The following ACVR1C variants were observed in gnomAD, a reference collection of about 807,000 sequenced individuals.
ACVR1C encodes the protein activin A receptor type 1C.
ACVR1C carries 23 observed loss-of-function variants against 57.9 expected under a neutral mutation model. The ratio of observed to expected loss-of-function variants is 0.40; its 90% CI spans 0.29 to 0.56. The LOEUF (loss-of-function observed/expected upper bound fraction) is 0.56, where lower values mean the gene tolerates loss of function less well. Among genes scored for constraint, ACVR1C ranks in the 20% least tolerant of loss-of-function variants. The pLI, the probability that ACVR1C is intolerant of heterozygous loss-of-function variation, is 0.50. For missense variants in ACVR1C, 480 were observed against 607.9 expected, an observed-to-expected ratio of 0.79 and a Z score of 2.21; for synonymous variants, 214 against 215.3, an observed-to-expected ratio of 0.99 and a Z score of 0.05.
intron 1 of ACVR1C, 65 bp downstream of exon 1, chr2:157,628,507 C>G: frequency 6.5e-7 from 1 of 1,544,398 alleles, no homozygotes; most frequent in Non-Finnish European, 8.8e-7. Context: ...CACCCCCGTG[C>G]TCACCCGCAG....
At chr2:157,549,802 G>A (rs1166624468) in intron 4 of ACVR1C, among the ~76,000 whole-genome samples, 2 of 146,388 alleles carry the variant, frequency 1.4e-5, no homozygotes, top group East Asian at 2.0e-4. Flanking sequence ...TGGCTAACAC[G>A]GTGAAACCCC....
At chr2:157,576,830 A>ATTTT (rs1688665585) in intron 2 of ACVR1C, among the ~76,000 whole-genome samples, 3 of 68,302 alleles carry the variant, frequency 4.4e-5, no homozygotes, top group African/African-American at 2.2e-4. Context: ...GGGCTTTGAA[A>ATTTT]TTTTCTTTTT....
chr2:157,604,336 C>T (rs1469680853), intron 1 of ACVR1C, among the ~76,000 whole-genome samples: 2 of 151,964 alleles, frequency 1.3e-5, no homozygotes. Context: ...ATACTTTTGC[C>T]TTCTTCAGAA....
intron 1 of ACVR1C, among the ~76,000 whole-genome samples, chr2:157,628,209 A>G (rs1559002028): frequency 6.6e-6 from 1 of 152,144 alleles, no homozygotes; most frequent in Non-Finnish European, 1.5e-5. Context: ...AGGTCCCTGC[A>G]GGGTGAACCC....
intron 2 of ACVR1C, among the ~76,000 whole-genome samples, chr2:157,562,305 A>ATGT (rs56764410): frequency 1.5e-5 from 2 of 134,780 alleles, no homozygotes; most frequent in African/African-American, 5.5e-5. Context: ...AAAAAAAAAA[A>ATGT]ATATATATAT....
intron 4 of ACVR1C, among the ~76,000 whole-genome samples, chr2:157,546,238 A>G (rs1474081519): frequency 2.6e-5 from 4 of 152,264 alleles, no homozygotes; most frequent in African/African-American, 9.6e-5. Context: ...CATTCTTAAC[A>G]GCTAAATGAG....
chr2:157,554,233 A>G (rs193274506), intron 3 of ACVR1C, among the ~76,000 whole-genome samples: 153 of 131,282 alleles, frequency 1.2e-3, no homozygotes, highest in African/African-American at 5.0e-3. Context: ...GAAAGAAAGA[A>G]AGAAAGAAAG....
intron 2 of ACVR1C, among the ~76,000 whole-genome samples, chr2:157,562,717 C>T (rs1370882618): frequency 6.6e-6 from 1 of 151,972 alleles, no homozygotes; most frequent in Non-Finnish European, 1.5e-5. Context: ...ATGCAAAAAT[C>T]CTCAATAAAA....
At chr2:157,556,394 T>G (rs1392979355) in intron 2 of ACVR1C, 62 bp from the exon 3 acceptor site, 2 of 1,591,282 alleles carry the variant, frequency 1.3e-6, no homozygotes, top group African/African-American at 2.7e-5. Context: ...TTTTTGGAAT[T>G]GGAATTGCAA....
At chr2:157,535,912 A>G (rs941937450) in intron 8 of ACVR1C, among the ~76,000 whole-genome samples, 3 of 152,162 alleles carry the variant, frequency 2.0e-5, no homozygotes, top group African/African-American at 7.2e-5. Context: ...ATTATCCTCT[A>G]AGTTCCATGA....
intron 7 of ACVR1C, among the ~76,000 whole-genome samples, chr2:157,540,203 T>C (rs1044456605): frequency 4.6e-5 from 7 of 152,224 alleles, no homozygotes; most frequent in Non-Finnish European, 1.0e-4. Context: ...ATTCAAGGAA[T>C]TGCTAAACCA....
chr2:157,620,445 C>G (rs891591185), intron 1 of ACVR1C, among the ~76,000 whole-genome samples: 8 of 151,936 alleles, frequency 5.3e-5, no homozygotes, highest in Non-Finnish European at 8.8e-5. Flanking sequence ...AAAATGCCAT[C>G]GGATAAAGTT....
At chr2:157,550,468 AT>A in intron 3 of ACVR1C, 76 bp from the exon 4 acceptor site, 1 of 1,377,868 alleles carries the variant, frequency 7.3e-7, no homozygotes, top group Non-Finnish European at 1.0e-6. Context: ...CTGTTTTCAG[AT>A]TTTAAAAAAG....
chr2:157,576,199 A>ATTTT (rs1553483170), intron 2 of ACVR1C, among the ~76,000 whole-genome samples: 5 of 89,270 alleles, frequency 5.6e-5, no homozygotes, highest in Non-Finnish European at 1.2e-4. Context: ...AGGAATAATC[A>ATTTT]TTTCTTTTTT....
At position 157,554,268 on chromosome 2, in the gene ACVR1C, A is replaced by AAAGAAAGAAAGAAAGAAAGAAAGG. The variant is rs1261113225; in HGVS notation, c.544+1824_544+1825insCCTTTCTTTCTTTCTTTCTTTCTT. Among the ~76,000 whole-genome samples, 194 of 113,400 alleles carry AAAGAAAGAAAGAAAGAAAGAAAGG rather than the reference A, an allele frequency of 1.7e-3. 1 individual carries two copies. Among genetic ancestry groups the AAAGAAAGAAAGAAAGAAAGAAAGG allele is most frequent in the African/African-American group, 2.4e-3 (47 of 19,388 alleles). 74.4% of individuals were successfully genotyped at this position (113,400 alleles called of 152,430 possible). The stretch of plus-strand genomic sequence containing the variant: ...GAAAGAAAGAAAGAAAGAAAGAAAG[A>AAAGAAAGAAAGAAAGAAAGAAAGG]AAGGAAGGAAGGAAGAGAGAGAGAG... On this transcript the variant is annotated intron_variant, in intron 3 of 8. Coordinates refer to ENST00000243349, the MANE Select transcript of ACVR1C (RefSeq NM_145259.3).
chr2:157,585,906 G>A (rs1443044037), intron 2 of ACVR1C, among the ~76,000 whole-genome samples: 1 of 152,150 alleles, frequency 6.6e-6, no homozygotes, highest in African/African-American at 2.4e-5. Context: ...ACATGATAAT[G>A]CCTTACAACA....
Position 157,602,178 on chromosome 2 carries a change from G to A in ACVR1C, c.74-14761C>T, listed in dbSNP as rs540126773. Among the ~76,000 whole-genome samples, 96 of 152,228 alleles carry A rather than the reference G, an allele frequency of 6.3e-4. 2 individuals carry two copies. In the South Asian group the frequency reaches 0.019, roughly 30 times the overall value. ...ACATAACGAAGGGGTAGATGTAACTGGAACATTAACTCACATATTGGTTAC... is the reference window on the plus strand; with the variant it reads ...ACATAACGAAGGGGTAGATGTAACTAGAACATTAACTCACATATTGGTTAC... On this transcript the variant is annotated intron_variant, in intron 1 of 8. Coordinates refer to ENST00000243349, the MANE Select transcript of ACVR1C (RefSeq NM_145259.3).
chr2:157,559,927 A>G (rs1688196983), intron 2 of ACVR1C, among the ~76,000 whole-genome samples: 1 of 151,686 alleles, frequency 6.6e-6, no homozygotes, highest in South Asian at 2.1e-4. Context: ...GAAGGAAGGA[A>G]AAAGGAAAGA....
intron 2 of ACVR1C, among the ~76,000 whole-genome samples, chr2:157,584,399 T>C (rs913973472): frequency 1.3e-5 from 2 of 152,026 alleles, no homozygotes; most frequent in African/African-American, 4.8e-5. Context: ...CCACCACACC[T>C]GACCAAAAAA....
Sources: allele counts gnomAD v4.1 joint callset (sites outside exome capture counted in the v4.1 genomes callset), GRCh38; gene constraint gnomAD v4.1.1; transcripts MANE v1.5; gene names NCBI Gene and HGNC (gene_info 2026-07-23, HGNC 2026-07-21).